Variants in ZRANB3 observed in about 807,000 individuals in gnomAD.
ZRANB3 encodes zinc finger RANBP2-type containing 3.
A neutral mutation model predicts 133.8 loss-of-function variants in ZRANB3; 125 were observed. The observed-to-expected ratio is 0.93, with a 90% confidence interval of 0.81 to 1.08. The LOEUF (loss-of-function observed/expected upper bound fraction) is 1.08, where lower values mean the gene tolerates loss of function less well. Among genes scored for constraint, ZRANB3 ranks in the 50% least tolerant of loss-of-function variants. The probability of loss-of-function intolerance (pLI) is 0.00; values close to 1 mark genes in which losing one functional copy is unlikely to be tolerated. For synonymous variants in ZRANB3, 387 were observed against 432.7 expected (o/e 0.89, Z 1.31); for missense variants, 1,229 against 1,275.5 (o/e 0.96, Z 0.56).
intron 3 of ZRANB3, among the ~76,000 whole-genome samples, chr2:135,384,415 A>T (rs1403045964): frequency 6.6e-6 from 1 of 152,222 alleles, no homozygotes; most frequent in Non-Finnish European, 1.5e-5. Flanking sequence ...TACCAGAGGT[A>T]CAATGAGGAG....
chr2:135,360,266 A>G (rs1400151801), intron 3 of ZRANB3, among the ~76,000 whole-genome samples: 1 of 152,150 alleles, frequency 6.6e-6, no homozygotes, highest in East Asian at 1.9e-4. Flanking sequence ...CTGTAGTCCC[A>G]GCTACTCGGG....
chr2:135,329,255 T>C (rs1394492220), intron 6 of ZRANB3, among the ~76,000 whole-genome samples: 1 of 152,176 alleles, frequency 6.6e-6, no homozygotes, highest in East Asian at 1.9e-4. Flanking sequence ...AAAGAAGGGG[T>C]CCAGTTTCAG....
At chr2:135,447,306 TG>T (rs1690065715) in intron 2 of ZRANB3, among the ~76,000 whole-genome samples, 1 of 152,206 alleles carries the variant, frequency 6.6e-6, no homozygotes, top group African/African-American at 2.4e-5. Flanking sequence ...CCCAAAGTGT[TG>T]GGATTACAGA....
At chr2:135,438,356 T>G (rs1574103954) in intron 2 of ZRANB3, among the ~76,000 whole-genome samples, 1 of 151,934 alleles carries the variant, frequency 6.6e-6, no homozygotes, top group Middle Eastern at 3.4e-3. Context: ...AATAAAAAAA[T>G]TAGCCAAGCA....
chr2:135,510,498 T>C (rs1028374874), intron 1 of ZRANB3: 2 of 565,496 alleles, frequency 3.5e-6, no homozygotes, highest in African/African-American at 3.8e-5. Context: ...AAATTCACCA[T>C]TCTGTAGGAG....
intron 2 of ZRANB3, among the ~76,000 whole-genome samples, chr2:135,492,233 T>C (rs1030502741): frequency 3.9e-5 from 6 of 152,012 alleles, no homozygotes; most frequent in Non-Finnish European, 8.8e-5. Context: ...TGAAAGTGAG[T>C]TTAACACTGT....
chr2:135,471,762 G>A (rs567520351), intron 2 of ZRANB3, among the ~76,000 whole-genome samples: 1 of 152,220 alleles, frequency 6.6e-6, no homozygotes, highest in South Asian at 2.1e-4. Context: ...AATGGAAAGG[G>A]TATACCTAAA....
chr2:135,306,431 G>T (rs1415318532), intron 8 of ZRANB3, among the ~76,000 whole-genome samples: 1 of 149,474 alleles, frequency 6.7e-6, no homozygotes, highest in Non-Finnish European at 1.5e-5. Flanking sequence ...GGGACTACAG[G>T]CACCCGCCAC....
intron 3 of ZRANB3, among the ~76,000 whole-genome samples, chr2:135,367,404 C>T (rs981560415): frequency 2.6e-5 from 4 of 152,142 alleles, no homozygotes; most frequent in Admixed American, 6.5e-5. Flanking sequence ...CATGTCCCTG[C>T]GAGGACTTCA....
chr2:135,487,461 GA>G (rs1412578176), intron 2 of ZRANB3, among the ~76,000 whole-genome samples: 1 of 152,146 alleles, frequency 6.6e-6, no homozygotes, highest in African/African-American at 2.4e-5. Flanking sequence ...CTCTAATTAT[GA>G]AAGTTTTAGA....
chr2:135,235,019 C>T (rs1434920707), intron 12 of ZRANB3, among the ~76,000 whole-genome samples: 3 of 151,984 alleles, frequency 2.0e-5, no homozygotes, highest in East Asian at 3.9e-4. Context: ...TTGAAAAGAT[C>T]AACAAAATTG....
intron 1 of ZRANB3, among the ~76,000 whole-genome samples, chr2:135,510,022 G>A (rs1456045220): frequency 6.6e-6 from 1 of 152,088 alleles, no homozygotes; most frequent in Non-Finnish European, 1.5e-5. Flanking sequence ...AATCAAAATT[G>A]TCAAATTTTC....
At chr2:135,237,824 G>T (rs1460902481) in intron 12 of ZRANB3, among the ~76,000 whole-genome samples, 1 of 152,074 alleles carries the variant, frequency 6.6e-6, no homozygotes, top group Non-Finnish European at 1.5e-5. Flanking sequence ...ATAGCATTAG[G>T]AGATATACCT....
chr2:135,232,869 C>A (rs528862793), intron 12 of ZRANB3, among the ~76,000 whole-genome samples: 1 of 152,216 alleles, frequency 6.6e-6, no homozygotes, highest in African/African-American at 2.4e-5. Context: ...AAACTGGAAA[C>A]TCTAAAAATC....
intron 8 of ZRANB3, among the ~76,000 whole-genome samples, chr2:135,292,254 C>T (rs1289865903): frequency 6.6e-5 from 10 of 152,094 alleles, no homozygotes; most frequent in Admixed American, 3.9e-4. Context: ...CTCTCCAGCA[C>T]CTGTTGTTTC....
At chr2:135,419,446 A>G (rs1459807837) in intron 2 of ZRANB3, among the ~76,000 whole-genome samples, 1 of 152,054 alleles carries the variant, frequency 6.6e-6, no homozygotes, top group Non-Finnish European at 1.5e-5. Flanking sequence ...CCTAAATAAC[A>G]GGAAGACTCT....
intron 11 of ZRANB3, 149 bp downstream of exon 11, chr2:135,268,813 C>G (rs887947854): frequency 4.4e-6 from 3 of 677,016 alleles, no homozygotes; most frequent in South Asian, 2.5e-5. Context: ...ACTACTGAAG[C>G]CTTTTCTTAA....
chr2:135,210,761 C>T (rs1472934460), intron 17 of ZRANB3, among the ~76,000 whole-genome samples: 6 of 152,152 alleles, frequency 3.9e-5, no homozygotes, highest in African/African-American at 1.4e-4. Context: ...TATTAGTCTG[C>T]TAATAGTGAT....
intron 3 of ZRANB3, among the ~76,000 whole-genome samples, chr2:135,385,265 C>T (rs1344295279): frequency 2.0e-5 from 3 of 150,588 alleles, no homozygotes; most frequent in African/African-American, 2.5e-5. Flanking sequence ...AATAAAATAC[C>T]TAGGAATCCA....
Sources: allele counts gnomAD v4.1 joint callset (sites outside exome capture counted in the v4.1 genomes callset), GRCh38; gene constraint gnomAD v4.1.1; transcripts MANE v1.5; gene names NCBI Gene and HGNC (gene_info 2026-07-23, HGNC 2026-07-21).